Variants in C11orf65 observed in about 807,000 individuals in gnomAD.
C11orf65 encodes protein MFI.
C11orf65 carries 38 observed loss-of-function variants against 35.3 expected under a neutral mutation model. The observed-to-expected ratio is 1.08, with a 90% CI of 0.83 to 1.41. The LOEUF (loss-of-function observed/expected upper bound fraction) is 1.41. C11orf65 is among the 40% of genes most tolerant of loss of function. The probability of loss-of-function intolerance (pLI) is 0.00; values close to 1 mark genes in which losing one functional copy is unlikely to be tolerated. For synonymous variants in C11orf65, 105 were observed against 114.4 expected (o/e 0.92, Z 0.53); for missense variants, 370 against 367.1 (o/e 1.01, Z -0.06).
chr11:108,451,733 T>A (rs2093350354), intron 2 of C11orf65, among the ~76,000 whole-genome samples: 2 of 152,170 alleles, frequency 1.3e-5, no homozygotes, highest in South Asian at 4.1e-4. Flanking sequence ...GCTGGAGGCA[T>A]CACGCTACCT....
intron 2 of C11orf65, among the ~76,000 whole-genome samples, chr11:108,337,607 C>T (rs187504233): frequency 6.6e-6 from 1 of 152,314 alleles, no homozygotes; most frequent in Admixed American, 6.5e-5. Context: ...AGGGACAACA[C>T]TTTGAGACCC....
downstream of C11orf65, among the ~76,000 whole-genome samples, chr11:108,378,176 A>T (rs1436833064): frequency 6.6e-6 from 1 of 152,194 alleles, no homozygotes; most frequent in African/African-American, 2.4e-5. Flanking sequence ...TCGGCAAGTC[A>T]ATCCTAAGCC....
At chr11:108,331,010 AAAT>A (rs1343523440), downstream of C11orf65, among the ~76,000 whole-genome samples, 4 of 152,200 alleles carry the variant, frequency 2.6e-5, no homozygotes, top group Non-Finnish European at 4.4e-5. Context: ...TCCTGCAGGA[AAAT>A]AATAAGACTC....
At position 108,396,611 on chromosome 11, in the gene C11orf65, C is replaced by T. The variant is rs550539777; in HGVS notation, c.561-3233G>A. The stretch of plus-strand genomic sequence containing the variant: ...CTTTGGGAGGCCAAGGCGGGCGGAT[C>T]ACGAGGTCAGGAGATTGAGACCATC... On this transcript the variant is annotated intron_variant, in intron 6 of 8. Transcript: ENST00000393084. Among the ~76,000 whole-genome samples, 415 of 151,516 alleles carry T rather than the reference C, an allele frequency of 2.7e-3. 1 individual carries two copies. Among genetic ancestry groups the T allele is most frequent in the Non-Finnish European group, 4.5e-3 (305 of 67,892 alleles).
At chr11:108,400,524 T>C (rs2092420341) in intron 6 of C11orf65, among the ~76,000 whole-genome samples, 1 of 152,136 alleles carries the variant, frequency 6.6e-6, no homozygotes, top group South Asian at 2.1e-4. Context: ...AAACACACGG[T>C]TCTTTCTGTG....
intron 2 of C11orf65, among the ~76,000 whole-genome samples, chr11:108,338,261 G>C (rs754358699): frequency 3.3e-5 from 5 of 152,150 alleles, no homozygotes; most frequent in Non-Finnish European, 7.3e-5. Flanking sequence ...TGAGGTGAGA[G>C]AATCACTTAA....
At chr11:108,461,045 T>A (rs1021852412) in intron 2 of C11orf65, among the ~76,000 whole-genome samples, 1 of 152,068 alleles carries the variant, frequency 6.6e-6, no homozygotes, top group Non-Finnish European at 1.5e-5. Context: ...CTTTTTAAAG[T>A]GAAGAATGGC....
chr11:108,357,215 C>A (rs1186547977), intron 2 of C11orf65, among the ~76,000 whole-genome samples: 2 of 152,190 alleles, frequency 1.3e-5, no homozygotes, highest in Non-Finnish European at 2.9e-5. Flanking sequence ...TCACTCCCAC[C>A]CGAATATTGC....
intron 2 of C11orf65, among the ~76,000 whole-genome samples, chr11:108,345,008 A>C (rs588746): frequency 6.9e-6 from 1 of 145,670 alleles, no homozygotes; most frequent in South Asian, 2.2e-4. Context: ...CCCTGTCTCC[A>C]AAAAAAAAAA....
At chr11:108,440,951 C>T (rs901282585) in intron 2 of C11orf65, among the ~76,000 whole-genome samples, 10 of 152,110 alleles carry the variant, frequency 6.6e-5, no homozygotes, top group South Asian at 2.1e-4. Context: ...AGTGAGGTAC[C>T]GGGTTCATCT....
intron 3 of C11orf65, among the ~76,000 whole-genome samples, chr11:108,410,034 T>G (rs1313674172): frequency 1.3e-5 from 2 of 152,204 alleles, no homozygotes; most frequent in African/African-American, 4.8e-5. Context: ...GTGCAGTTTT[T>G]GCTTATGATA....
At chr11:108,317,149 G>T (rs2084740785) in intron 6 of C11orf65, among the ~76,000 whole-genome samples, 1 of 151,306 alleles carries the variant, frequency 6.6e-6, no homozygotes, top group Admixed American at 6.6e-5. Context: ...TTGTTGTCCA[G>T]GCTGGTCTCA....
chr11:108,443,772 C>T (rs1021378115), intron 2 of C11orf65, among the ~76,000 whole-genome samples: 4 of 151,854 alleles, frequency 2.6e-5, no homozygotes, highest in Non-Finnish European at 5.9e-5. Context: ...TGAAACCAAC[C>T]AGAACAAAGA....
intron 2 of C11orf65, among the ~76,000 whole-genome samples, chr11:108,453,165 GAAAA>G (rs955029210): frequency 7.9e-6 from 1 of 127,366 alleles, no homozygotes; most frequent in Non-Finnish European, 1.7e-5. Context: ...AAAGAAAAAA[GAAAA>G]AAAAAAGAAA....
intron 2 of C11orf65, among the ~76,000 whole-genome samples, chr11:108,361,771 T>C (rs1259360940): frequency 6.6e-6 from 1 of 152,104 alleles, no homozygotes; most frequent in African/African-American, 2.4e-5. Flanking sequence ...CTGGATCCCT[T>C]CCTTACACCT....
intron 3 of C11orf65, among the ~76,000 whole-genome samples, chr11:108,412,219 CT>C (rs1181426272): frequency 6.6e-6 from 1 of 151,622 alleles, no homozygotes; most frequent in Non-Finnish European, 1.5e-5. Flanking sequence ...CATTTGGGTT[CT>C]TTAGTCTATT....
Position 108,374,086 on chromosome 11 carries a change from A to G in C11orf65, c.226+19122T>C, listed in dbSNP as rs567739826. The stretch of plus-strand genomic sequence containing the variant: ...GCCTGCCTGCCTCTGTAGGCTCAGA[A>G]ACCTCTGCAGACTTAAATGTCCCTG... On this transcript the variant is annotated intron_variant, in intron 2 of 3. Coordinates refer to the C11orf65 transcript ENST00000524755. Among the ~76,000 whole-genome samples, 3 of 152,142 alleles carry G rather than the reference A, an allele frequency of 2.0e-5. No individual in the cohort carries two copies. In the East Asian group the frequency reaches 5.8e-4, roughly 29 times the overall value.
At chr11:108,378,044 T>C (rs999127580), downstream of C11orf65, among the ~76,000 whole-genome samples, 4 of 150,406 alleles carry the variant, frequency 2.7e-5, no homozygotes, top group Non-Finnish European at 5.9e-5. Context: ...ATCGTGAAAA[T>C]GGCCATACTG....
intron 2 of C11orf65, among the ~76,000 whole-genome samples, chr11:108,348,841 G>A (rs1296670374): frequency 4.6e-5 from 7 of 152,126 alleles, no homozygotes; most frequent in African/African-American, 9.7e-5. Flanking sequence ...TTCTGCATAA[G>A]TTATAAAAAG....
Sources: gnomAD v4.1 joint callset for allele counts (sites outside exome capture counted in the v4.1 genomes callset) on GRCh38, gnomAD v4.1.1 for gene constraint, MANE v1.5 for transcripts, NCBI Gene and HGNC (gene_info 2026-07-23, HGNC 2026-07-21) for gene names.